The following BCL2L14 variants were observed in gnomAD, a reference collection of about 807,000 sequenced individuals.
The protein encoded by BCL2L14 is apoptosis facilitator Bcl-2-like protein 14.
Under a neutral mutation model 35.3 loss-of-function variants are expected in BCL2L14, and 27 were observed. That is an observed-to-expected ratio of 0.76 (90% CI 0.56 to 1.05). The LOEUF is 1.05. BCL2L14 is among the 50% of genes least tolerant of loss of function. BCL2L14 has a pLI of 0.00. For missense variants in BCL2L14, 377 were observed against 382.6 expected (o/e 0.99, Z 0.12); for synonymous variants, 139 against 145.9 (o/e 0.95, Z 0.34).
intron 2 of BCL2L14, among the ~76,000 whole-genome samples, chr12:12,053,043 C>T (rs1409891325): frequency 1.3e-5 from 2 of 152,206 alleles, no homozygotes; most frequent in Non-Finnish European, 2.9e-5. Context: ...GGGACATGGA[C>T]AGTGTCCTTA....
intron 4 of BCL2L14, among the ~76,000 whole-genome samples, chr12:12,092,492 G>A (rs368658828): frequency 1.1e-4 from 16 of 152,218 alleles, no homozygotes; most frequent in African/African-American, 2.6e-4. Flanking sequence ...CTGCAGAGCC[G>A]CTGGTCCCAA....
intron 5 of BCL2L14, among the ~76,000 whole-genome samples, chr12:12,097,037 AG>A (rs1289287366): frequency 5.9e-5 from 9 of 151,950 alleles, no homozygotes; most frequent in African/African-American, 2.2e-4. Context: ...CCAGCTACTC[AG>A]GGGGGCTGAG....
Position 12,079,504 on chromosome 12 carries a change from T to C in BCL2L14, c.199T>C (p.Trp67Arg), listed in dbSNP as rs1247708570. 1.9e-6 allele frequency: 3 copies of C among 1,614,228 alleles called. No homozygotes were observed. The South Asian group carries it at 3.3e-5, about 18-fold the overall frequency. ...GGGGAATTGTTCAGCAAATGAGTCA[T>C]GGACAGAGGTGTCATGGCCTTGCAG... ...GLGNCSANES[W>R]TEVSWPCRNS... The change falls in exon 2 of 6, where the codon TGG (tryptophan) becomes CGG (arginine). Residue 67 changes from tryptophan to arginine, a missense_variant. Transcript: ENST00000308721.
intron 1 of BCL2L14, among the ~76,000 whole-genome samples, chr12:12,074,077 T>C (rs1402729096): frequency 6.6e-6 from 1 of 152,208 alleles, no homozygotes; most frequent in East Asian, 1.9e-4. Context: ...TTTTAGCATA[T>C]AATATTTTAT....
chr12:12,075,203 A>G (rs1948753607), intron 1 of BCL2L14, among the ~76,000 whole-genome samples: 1 of 151,878 alleles, frequency 6.6e-6, no homozygotes, highest in African/African-American at 2.4e-5. Flanking sequence ...GCTCACTGCA[A>G]CCTTTGCCTC....
intron 1 of BCL2L14, chr12:12,077,919 C>G (rs1444390972): frequency 2.4e-6 from 1 of 409,824 alleles, no homozygotes; most frequent in African/African-American, 2.1e-5. Context: ...CAGAAGGAAA[C>G]AGATTATTAG....
At chr12:12,061,327 T>A (rs1346654165) in intron 2 of BCL2L14, among the ~76,000 whole-genome samples, 1 of 151,472 alleles carries the variant, frequency 6.6e-6, no homozygotes, top group East Asian at 2.0e-4. Flanking sequence ...CACACACCCC[T>A]TACCATCTCA....
intron 2 of BCL2L14, among the ~76,000 whole-genome samples, chr12:12,052,368 T>G (rs2448036): frequency 0.88 from 133,085 of 150,456 alleles, 58,322 homozygotes; most frequent in East Asian, 0.98. Flanking sequence ...TGTAGCCTTT[T>G]CCCAACCACC....
intron 2 of BCL2L14, among the ~76,000 whole-genome samples, chr12:12,083,244 G>A (rs1193316796): frequency 6.6e-6 from 1 of 152,118 alleles, no homozygotes; most frequent in African/African-American, 2.4e-5. Context: ...GATTACAGGC[G>A]TGAGCCACCG....
intron 1 of BCL2L14, chr12:12,071,820 A>C (rs1948674252): frequency 6.6e-6 from 1 of 152,202 alleles, no homozygotes; most frequent in Non-Finnish European, 1.5e-5. Context: ...AAGTTAAGGC[A>C]CTTTCTCTCA....
chr12:12,074,671 T>A (rs1215354453), intron 1 of BCL2L14, among the ~76,000 whole-genome samples: 2 of 152,152 alleles, frequency 1.3e-5, no homozygotes, highest in African/African-American at 4.8e-5. Flanking sequence ...ACTCCTGACC[T>A]CAAGTGATCT....
At chr12:12,098,663 C>T (rs141028500) in intron 5 of BCL2L14, among the ~76,000 whole-genome samples, 172 of 152,270 alleles carry the variant, frequency 1.1e-3, no homozygotes, top group Middle Eastern at 3.4e-3. Context: ...TAGTCATTGA[C>T]CTTTCAGTAC....
Position 12,087,380 on chromosome 12 carries a change from A to G in BCL2L14, c.601A>G (p.Lys201Glu). 1 of 1,613,988 alleles carries G rather than the reference A, an allele frequency of 6.2e-7. No homozygotes were observed. The highest frequency in any genetic ancestry group is 8.5e-7 in the Non-Finnish European group (1 of 1,179,966). Residue 201 changes from lysine (K) to glutamate (E), a missense_variant, in exon 3 of 6, where the codon AAG becomes GAG. By Grantham distance (56) the Lys-to-Glu change is moderately conservative. Transcript: ENST00000308721. ...QGHVPVASSS[K>E]KDEEEQILAK... ...CCACGTGCCTGTAGCTTCAAGTTCTAAGAAAGGTAAGCTTTCCTTCCCTGG... is the reference window on the plus strand; with the variant it reads ...CCACGTGCCTGTAGCTTCAAGTTCTGAGAAAGGTAAGCTTTCCTTCCCTGG...
upstream of BCL2L14, chr12:12,068,035 C>T: frequency 2.5e-6 from 1 of 393,102 alleles, no homozygotes; most frequent in Non-Finnish European, 4.5e-6. Context: ...CGGCCCCCTG[C>T]CAGGCTCAAG....
Position 12,079,729 on chromosome 12 carries a change from G to C in BCL2L14, c.424G>C (p.Glu142Gln). ...RCLSNVEQCL[E>Q]HEAVDPKVIS... ...TCTTTCTAACGTGGAGCAGTGCTTGGAGCATGAAGGTAGGCATCTGGGATT... is the reference window on the plus strand; with the variant it reads ...TCTTTCTAACGTGGAGCAGTGCTTGCAGCATGAAGGTAGGCATCTGGGATT... The change falls in exon 2 of 6, where the codon GAG becomes CAG. Residue 142 changes from glutamate (E) to glutamine (Q), a missense_variant. Physicochemically the swap from Glu to Gln is conservative, Grantham distance 29. Transcript: ENST00000308721. 1 of 1,611,294 alleles carries C rather than the reference G, an allele frequency of 6.2e-7. No homozygotes were observed. Among genetic ancestry groups the C allele is most frequent in the Non-Finnish European group, 8.5e-7 (1 of 1,178,318 alleles).
upstream of BCL2L14, among the ~76,000 whole-genome samples, chr12:12,068,662 TA>T (rs5796483): frequency 1.8e-3 from 270 of 146,648 alleles, no homozygotes; most frequent in Non-Finnish European, 3.1e-3. Context: ...CCTGGCTAAT[TA>T]AAAAAAAAAA....
intron 2 of BCL2L14, among the ~76,000 whole-genome samples, chr12:12,082,616 GAA>G (rs1259412021): frequency 3.3e-5 from 5 of 152,258 alleles, no homozygotes; most frequent in Non-Finnish European, 5.9e-5. Flanking sequence ...AGTAGGGAAA[GAA>G]AACTTTTATG....
At chr12:12,089,183 A>G (rs1323090064) in intron 3 of BCL2L14, among the ~76,000 whole-genome samples, 6 of 152,160 alleles carry the variant, frequency 3.9e-5, no homozygotes, top group Admixed American at 3.3e-4. Context: ...CCTGGCCAAC[A>G]TGGTGAAACC....
At chr12:12,089,475 C>T (rs1339911832) in intron 3 of BCL2L14, among the ~76,000 whole-genome samples, 1 of 152,016 alleles carries the variant, frequency 6.6e-6, no homozygotes, top group Non-Finnish European at 1.5e-5. Context: ...GCGGACGGAT[C>T]TCTTGAGGCC....
Sources: gnomAD v4.1 joint callset for allele counts (sites outside exome capture counted in the v4.1 genomes callset) on GRCh38, gnomAD v4.1.1 for gene constraint, MANE v1.5 for transcripts, NCBI Gene and HGNC (gene_info 2026-07-23, HGNC 2026-07-21) for gene names.